Variants in SORCS2 observed in about 807,000 individuals in gnomAD.
SORCS2 encodes VPS10 domain-containing receptor SorCS2.
A neutral mutation model predicts 141.6 loss-of-function variants in SORCS2; 100 were observed. The observed-to-expected ratio is 0.71, with a 90% CI of 0.60 to 0.83. The LOEUF (loss-of-function observed/expected upper bound fraction) is 0.83, where lower values mean the gene tolerates loss of function less well. Ranked by LOEUF, SORCS2 falls within the 40% of genes least tolerant of loss-of-function variation. The pLI, the probability that SORCS2 is intolerant of heterozygous loss-of-function variation, is 0.00. For synonymous variants in SORCS2, 789 were observed against 676.9 expected (o/e 1.17, Z -2.57); for missense variants, 1,646 against 1,560.2 (o/e 1.05, Z -0.93).
Position 7,697,252 on chromosome 4 carries a change from A to G in SORCS2, c.1646A>G (p.Asp549Gly). ...AAAGAAGAAATGTACATCACGTCAG[A>G]CTGTGGTCACACCTGGCGGCAGGTA... Reference protein sequence around the residue: ...EYKEEMYITSDCGHTWRQVFE... With the variant: ...EYKEEMYITSGCGHTWRQVFE... Residue 549 changes from aspartate (D) to glycine (G), a missense_variant, in exon 12 of 27, where the codon GAC becomes GGC. Transcript: ENST00000507866. 5.0e-6 allele frequency: 8 copies of G among 1,590,588 alleles called. No homozygotes were observed. The highest frequency in any genetic ancestry group is 6.8e-6 in the Non-Finnish European group (8 of 1,168,894).
At chr4:7,209,142 A>T (rs564594769) in intron 1 of SORCS2, among the ~76,000 whole-genome samples, 1 of 152,274 alleles carries the variant, frequency 6.6e-6, no homozygotes, top group African/African-American at 2.4e-5. Context: ...CTTGTTGTAG[A>T]TGGGAGCACA....
chr4:7,313,826 C>T (rs1718362377), intron 1 of SORCS2, among the ~76,000 whole-genome samples: 1 of 152,202 alleles, frequency 6.6e-6, no homozygotes, highest in African/African-American at 2.4e-5. Flanking sequence ...GATCAAATCC[C>T]AGCCTCTGTG....
Position 7,192,600 on chromosome 4 carries a change from T to G in SORCS2, c.-47T>G. 1 of 986,650 alleles carries G rather than the reference T, an allele frequency of 1.0e-6. No homozygotes were observed. Among genetic ancestry groups the G allele is most frequent in the Non-Finnish European group, 1.2e-6 (1 of 831,482 alleles). 61.1% of individuals were successfully genotyped at this position (986,650 alleles called of 1,614,324 possible). A position where few individuals can be genotyped will look rare whatever the true frequency, so the allele number is the denominator to read the frequency against. On this transcript the variant is annotated 5_prime_UTR_variant, in exon 1 of 27. Transcript: ENST00000507866. The surrounding 1 kb of genome is among the most constrained non-coding windows in gnomAD (Gnocchi z 4.0). ...TCCTGCTCTCCCGGCCGCGGTCCCC[T>G]CGTCCGCGCCGCCCCGCCGCCGGCT...
chr4:7,574,658 G>A (rs1384620507), intron 3 of SORCS2, among the ~76,000 whole-genome samples: 1 of 151,964 alleles, frequency 6.6e-6, no homozygotes, highest in Non-Finnish European at 1.5e-5. Context: ...GGAGAGAGAG[G>A]AGATGGCTGA....
chr4:7,575,156 T>C (rs11935205), intron 3 of SORCS2, among the ~76,000 whole-genome samples: 48,085 of 152,070 alleles, frequency 0.32, 7,855 homozygotes, highest in Non-Finnish European at 0.35. Context: ...GCCTGTTCAG[T>C]CCTCAGATGA....
intron 2 of SORCS2, chr4:7,431,907 G>C (rs1398796156): frequency 6.6e-6 from 1 of 152,262 alleles, no homozygotes; most frequent in African/African-American, 2.4e-5. Flanking sequence ...TCTTACTCAA[G>C]AGGAGAATTA....
In SORCS2 at chr4:7,538,522, A is replaced by T. The variant is rs1363554511; in HGVS notation, c.648+6893A>T. Among the ~76,000 whole-genome samples the T allele has an allele frequency of 2.6e-5, 4 of 152,176 alleles. No individual in the cohort carries two copies. In the East Asian group the frequency reaches 7.7e-4, roughly 29 times the overall value. ...ATTTCTTCCAAGCATTGTGTTTTAT[A>T]TGAAAAATTTATGTGAATGGGCATC... On this transcript the variant is annotated intron_variant, in intron 3 of 26. Coordinates refer to ENST00000507866, the MANE Select transcript of SORCS2 (RefSeq NM_020777.3).
At chr4:7,418,733 A>G (rs1012561806) in intron 2 of SORCS2, among the ~76,000 whole-genome samples, 2 of 147,652 alleles carry the variant, frequency 1.4e-5, no homozygotes, top group African/African-American at 4.9e-5. Context: ...GTAGATTAAA[A>G]CAACAGTCAT....
chr4:7,547,806 G>A (rs1405822159), intron 3 of SORCS2, among the ~76,000 whole-genome samples: 2 of 152,226 alleles, frequency 1.3e-5, no homozygotes, highest in African/African-American at 4.8e-5. Context: ...CCCAGGGCAG[G>A]AACTCTGTCT....
intron 6 of SORCS2, 113 bp downstream of exon 6, chr4:7,661,677 G>A (rs907502849): frequency 1.9e-5 from 18 of 951,874 alleles, no homozygotes; most frequent in East Asian, 2.7e-5. Context: ...CTACACAGCC[G>A]GCCTCACTGT....
At chr4:7,458,662 C>G (rs1203285610) in intron 2 of SORCS2, among the ~76,000 whole-genome samples, 1 of 152,196 alleles carries the variant, frequency 6.6e-6, no homozygotes, top group Non-Finnish European at 1.5e-5. Context: ...CCTGAGTGTC[C>G]TTTCTCTAGG....
chr4:7,684,300 T>C (rs1024616845), intron 10 of SORCS2, among the ~76,000 whole-genome samples: 4 of 152,210 alleles, frequency 2.6e-5, no homozygotes, highest in African/African-American at 7.2e-5. Flanking sequence ...CCCTTTGGCA[T>C]TGGAGTGAGG....
intron 2 of SORCS2, among the ~76,000 whole-genome samples, chr4:7,460,491 C>G (rs1043252174): frequency 6.6e-6 from 1 of 152,228 alleles, no homozygotes; most frequent in South Asian, 2.1e-4. Context: ...ACCCCCACAG[C>G]TTTCCCAAGC....
At chr4:7,401,736 C>G (rs1206496986) in intron 2 of SORCS2, among the ~76,000 whole-genome samples, 1 of 152,140 alleles carries the variant, frequency 6.6e-6, no homozygotes, top group Non-Finnish European at 1.5e-5. Flanking sequence ...GCTGGGCCAA[C>G]CCTACCACTT....
At chr4:7,717,303 G>C (rs757988369) in intron 17 of SORCS2, among the ~76,000 whole-genome samples, 1 of 152,166 alleles carries the variant, frequency 6.6e-6, no homozygotes, top group African/African-American at 2.4e-5. Flanking sequence ...TCAGGGTCCA[G>C]GTCCCCAGGG....
intron 2 of SORCS2, among the ~76,000 whole-genome samples, chr4:7,515,259 C>T (rs976937318): frequency 6.6e-6 from 1 of 152,258 alleles, no homozygotes; most frequent in African/African-American, 2.4e-5. Flanking sequence ...ACCATACTTC[C>T]TCCACGGGAG....
chr4:7,565,921 A>G lies in SORCS2; in HGVS notation c.648+34292A>G, dbSNP rs571477956. On this transcript the variant is annotated intron_variant, in intron 3 of 26. Coordinates refer to ENST00000507866, the MANE Select transcript of SORCS2 (RefSeq NM_020777.3). ...GATAGTGATTATGGTGGTGATGGTG[A>G]TGATGGCAATGATAGTGATGATGGT... is the stretch of plus-strand genomic sequence containing the variant. 5.0e-3 allele frequency among the ~76,000 whole-genome samples: 741 copies of G among 149,634 alleles called. 34 individuals are homozygous for G. Among genetic ancestry groups the G allele is most frequent in the South Asian group, 0.032 (146 of 4,528 alleles).
In SORCS2 at chr4:7,703,309, C is replaced by T; in HGVS notation, c.1698C>T (p.Tyr566=). The T allele has an allele frequency of 6.2e-7, 1 of 1,613,286 alleles. No individual in the cohort carries two copies. The highest frequency in any genetic ancestry group is 1.1e-5 in the South Asian group (1 of 90,838). The change falls in exon 13 of 27, where the codon TAC becomes TAT. Residue 566 remains tyrosine, a synonymous_variant. Coordinates refer to ENST00000507866, the MANE Select transcript of SORCS2 (RefSeq NM_020777.3). ...QVFEEEHHIL[Y]LDHGGVIVAI... ...TTGAGGAAGAGCATCACATCCTGTA[C>T]CTGGACCACGGCGGCGTGATCGTGG...
At chr4:7,709,611 C>G (rs916542372) in intron 14 of SORCS2, among the ~76,000 whole-genome samples, 1 of 152,234 alleles carries the variant, frequency 6.6e-6, no homozygotes, top group Non-Finnish European at 1.5e-5. Context: ...GCTGGCAGGT[C>G]AGACTCAAAG....
Sources: gnomAD v4.1 joint callset for allele counts (sites outside exome capture counted in the v4.1 genomes callset) on GRCh38, gnomAD v4.1.1 for gene constraint, Gnocchi (gnomAD v3.1) non-coding constraint, MANE v1.5 for transcripts, NCBI Gene and HGNC (gene_info 2026-07-23, HGNC 2026-07-21) for gene names.